STAB2: variants seen among roughly 807,000 people sequenced by gnomAD.
STAB2 encodes stabilin-2.
A neutral mutation model predicts 338.1 loss-of-function variants in STAB2; 288 were observed. The observed-to-expected ratio is 0.85, with a 90% CI of 0.77 to 0.94. The LOEUF is 0.94. Ranked by LOEUF, STAB2 falls within the 40% of genes least tolerant of loss-of-function variation. The pLI is 0.00. For synonymous variants in STAB2, 1,202 were observed against 1,193.3 expected, an observed-to-expected ratio of 1.01 and a Z score of -0.15; for missense variants, 3,141 against 3,210.1, an observed-to-expected ratio of 0.98 and a Z score of 0.52.
Position 103,762,328 on chromosome 12 carries a change from A to T in STAB2, c.7414A>T (p.Thr2472Ser). 1 of 1,614,198 alleles carries T rather than the reference A, an allele frequency of 6.2e-7. No homozygotes were observed. The highest frequency in any genetic ancestry group is 8.5e-7 in the Non-Finnish European group (1 of 1,180,040). ...AGIFFAIILV[T>S]GAVALAAYSY... ...GATCTTCTTTGCCATCATCCTGGTG[A>T]CTGGGGCTGTTGCCTTGGCTGCTTA... Residue 2472 changes from threonine to serine, a missense_variant, in exon 67 of 69, where the codon ACT (threonine) becomes TCT (serine). Coordinates refer to ENST00000388887, the MANE Select transcript of STAB2 (RefSeq NM_017564.10).
chr12:103,742,332 GC>G (rs1882648720), intron 55 of STAB2, 72 bp from the exon 56 acceptor site: 2 of 1,560,470 alleles, frequency 1.3e-6, no homozygotes, highest in Non-Finnish European at 8.7e-7. Flanking sequence ...AGATGCCACA[GC>G]ACATTTACAA....
chr12:103,761,451 C>T (rs760630253), intron 66 of STAB2, 41 bp downstream of exon 66: 1 of 1,560,422 alleles, frequency 6.4e-7, no homozygotes, highest in East Asian at 2.2e-5. Context: ...AGGAGGAGCC[C>T]CGGTGCCCAC....
At chr12:103,622,777 T>C (rs1163053423) in intron 5 of STAB2, among the ~76,000 whole-genome samples, 1 of 152,226 alleles carries the variant, frequency 6.6e-6, no homozygotes, top group African/African-American at 2.4e-5. Flanking sequence ...CACCCATCTT[T>C]ATGATTCCCT....
At position 103,650,550 on chromosome 12, in the gene STAB2, C is replaced by A. The variant is rs1281931263; in HGVS notation, c.1229C>A (p.Pro410His). The A allele has an allele frequency of 6.2e-7, 1 of 1,613,184 alleles. No individual in the cohort carries two copies. The highest frequency in any genetic ancestry group is 1.7e-5 in the Admixed American group (1 of 59,994). ...CTGGGACCCTTCACGGTGCTGTTAC[C>A]TACAGACAAGGGACTGAAAGGATTC... Reference protein sequence around the residue: ...SKLGPFTVLLPTDKGLKGFNV... With the variant: ...SKLGPFTVLLHTDKGLKGFNV... Residue 410 changes from proline to histidine, a missense_variant, in exon 11 of 69, where the codon CCT becomes CAT. Pro to His is a moderately conservative substitution (Grantham distance 77). Coordinates refer to ENST00000388887, the MANE Select transcript of STAB2 (RefSeq NM_017564.10).
chr12:103,733,762 C>T (rs1458945775), intron 51 of STAB2, among the ~76,000 whole-genome samples: 2 of 151,724 alleles, frequency 1.3e-5, no homozygotes, highest in East Asian at 1.9e-4. Flanking sequence ...TAGGAACATA[C>T]ATGATCATAT....
At chr12:103,763,376 T>C in intron 67 of STAB2, 116 bp from the exon 68 acceptor site, 1 of 752,162 alleles carries the variant, frequency 1.3e-6, no homozygotes, top group Admixed American at 2.2e-5. Flanking sequence ...AACAAAGTAC[T>C]GTTAAAAAAG....
At chr12:103,729,158 C>T (rs540872256) in intron 48 of STAB2, among the ~76,000 whole-genome samples, 163 bp downstream of exon 48, 3 of 152,216 alleles carry the variant, frequency 2.0e-5, no homozygotes, top group East Asian at 1.9e-4. Context: ...TGAGAATTCA[C>T]GGACACATAG....
intron 58 of STAB2, among the ~76,000 whole-genome samples, chr12:103,748,601 C>CAT (rs1883280178): frequency 6.6e-5 from 2 of 30,372 alleles, no homozygotes; most frequent in African/African-American, 2.6e-4. Flanking sequence ...CACACACACA[C>CAT]ACATACACAC....
At chr12:103,698,123 C>T (rs1159993291) in intron 33 of STAB2, among the ~76,000 whole-genome samples, 2 of 152,126 alleles carry the variant, frequency 1.3e-5, no homozygotes. Flanking sequence ...GGACTGAGTT[C>T]CTCTTTCCCC....
Position 103,762,385 on chromosome 12 carries a change from G to C in STAB2, c.7471G>C (p.Gly2491Arg). 1 of 1,614,166 alleles carries C rather than the reference G, an allele frequency of 6.2e-7. No individual in the cohort carries two copies. Among genetic ancestry groups the C allele is most frequent in the Non-Finnish European group, 8.5e-7 (1 of 1,180,032 alleles). Residue 2491 changes from glycine (G) to arginine (R), a missense_variant, in exon 67 of 69, where the codon GGC becomes CGC. Gly to Arg is a moderately radical substitution (Grantham distance 125). Transcript: ENST00000388887. Reference sequence around the variant, plus strand: ...CTTTCGGATAAACCGGAGAACAATCGGCTTCCAGCATTTTGAGGTAAGAGA... The same window carrying C: ...CTTTCGGATAAACCGGAGAACAATCCGCTTCCAGCATTTTGAGGTAAGAGA... Reference protein sequence around the residue: ...SYFRINRRTIGFQHFESEEDI... With the variant: ...SYFRINRRTIRFQHFESEEDI...
In STAB2 at chr12:103,730,155, A is replaced by G. The variant is rs1881521043; in HGVS notation, c.5122A>G (p.Ser1708Gly). The change falls in exon 49 of 69, where the codon AGT becomes GGT. Residue 1708 changes from serine (S) to glycine (G), a missense_variant. Transcript: ENST00000388887. ...YINNKAKIISSDIISTNGIVH... is the reference protein window; with the variant it reads ...YINNKAKIISGDIISTNGIVH... ...AAACAATAAGGCTAAGATCATATCC[A>G]GTGATATCATCAGTACTAATGGGAT... 1.2e-6 allele frequency: 2 copies of G among 1,612,694 alleles called. No individual in the cohort carries two copies. The highest frequency in any genetic ancestry group is 1.7e-6 in the Non-Finnish European group (2 of 1,179,438).
chr12:103,588,765 C>T (rs1956751916), intron 1 of STAB2, among the ~76,000 whole-genome samples: 1 of 151,952 alleles, frequency 6.6e-6, no homozygotes, highest in Non-Finnish European at 1.5e-5. Flanking sequence ...AATGTGAAAC[C>T]CTCATGTAAA....
At chr12:103,653,739 G>GATGA (rs1235203935) in intron 12 of STAB2, among the ~76,000 whole-genome samples, 5 of 149,298 alleles carry the variant, frequency 3.3e-5, no homozygotes, top group Admixed American at 1.3e-4. Flanking sequence ...TGGATGGATG[G>GATGA]ATGGATGAAT....
At chr12:103,684,852 G>A (rs1360140636) in intron 26 of STAB2, 137 bp from the exon 27 acceptor site, 1 of 680,970 alleles carries the variant, frequency 1.5e-6, no homozygotes, top group East Asian at 2.6e-5. Context: ...ACACTAAAGG[G>A]TCTATGGGTT....
intron 37 of STAB2, 43 bp from the exon 38 acceptor site, chr12:103,706,749 A>T: frequency 6.2e-7 from 1 of 1,611,108 alleles, no homozygotes; most frequent in Non-Finnish European, 8.5e-7. Flanking sequence ...GGACAACACC[A>T]GAGGATAGAA....
intron 44 of STAB2, among the ~76,000 whole-genome samples, chr12:103,722,044 A>G (rs1350004252): frequency 2.0e-5 from 3 of 152,194 alleles, no homozygotes; most frequent in Non-Finnish European, 4.4e-5. Context: ...TCAAGTGAAG[A>G]TTTCCAGTGA....
chr12:103,601,967 T>C (rs148281212), intron 3 of STAB2, among the ~76,000 whole-genome samples: 4 of 152,246 alleles, frequency 2.6e-5, no homozygotes, highest in Admixed American at 1.3e-4. Flanking sequence ...ATAGATTTTT[T>C]AAAATTTATT....
chr12:103,655,853 T>C (rs991048650), intron 15 of STAB2, among the ~76,000 whole-genome samples: 1 of 152,156 alleles, frequency 6.6e-6, no homozygotes, highest in Non-Finnish European at 1.5e-5. Flanking sequence ...CAGGCCTAAA[T>C]GGTTGGTTTG....
chr12:103,631,887 G>A (rs78306171), intron 6 of STAB2, among the ~76,000 whole-genome samples, 194 bp downstream of exon 6: 3,039 of 152,252 alleles, frequency 0.02, 115 homozygotes, highest in African/African-American at 0.069. Context: ...GGAGGAGGAA[G>A]AGAGAGAACA....
Sources: allele counts gnomAD v4.1 joint callset (sites outside exome capture counted in the v4.1 genomes callset), GRCh38; gene constraint gnomAD v4.1.1; transcripts MANE v1.5; gene names NCBI Gene and HGNC (gene_info 2026-07-23, HGNC 2026-07-21).